RBP7: variants seen among roughly 807,000 people sequenced by gnomAD.
The protein encoded by RBP7 is retinoid-binding protein 7.
Under a neutral mutation model 16.7 loss-of-function variants are expected in RBP7, and 13 were observed. The ratio of observed to expected loss-of-function variants is 0.78; its 90% confidence interval spans 0.51 to 1.24. The LOEUF is 1.24. Ranked by LOEUF, RBP7 falls within the 50% of genes most tolerant of loss-of-function variation. RBP7 has a pLI of 0.00. For missense variants in RBP7, 145 were observed against 159.5 expected (o/e 0.91, Z 0.49); for synonymous variants, 54 against 56.2 (o/e 0.96, Z 0.17).
At chr1:10,009,324 T>C (rs917139746) in intron 3 of RBP7, among the ~76,000 whole-genome samples, 107 of 152,022 alleles carry the variant, frequency 7.0e-4, no homozygotes, top group African/African-American at 2.5e-3. Context: ...GCAGGAGAAT[T>C]GCTAGAACCA....
chr1:10,007,620 G>A lies in RBP7; in HGVS notation c.124G>A (p.Val42Met). 1 of 1,613,960 alleles carries A rather than the reference G, an allele frequency of 6.2e-7. No individual in the cohort carries two copies. Among genetic ancestry groups the A allele is most frequent in the Non-Finnish European group, 8.5e-7 (1 of 1,179,942 alleles). The change falls in exon 2 of 4, where the codon GTG becomes ATG. Residue 42 changes from valine to methionine, a missense_variant. Coordinates refer to ENST00000294435, the MANE Select transcript of RBP7 (RefSeq NM_052960.3). Reference protein sequence around the residue: ...KIAKLLKPQKVIEQNGDSFTI... With the variant: ...KIAKLLKPQKMIEQNGDSFTI... ...AGCCAAGTTGCTGAAGCCACAGAAAGTGATTGAGCAGAATGGGGATTCTTT... is the reference window on the plus strand; with the variant it reads ...AGCCAAGTTGCTGAAGCCACAGAAAATGATTGAGCAGAATGGGGATTCTTT...
intron 3 of RBP7, among the ~76,000 whole-genome samples, chr1:10,013,678 C>T (rs199622581): frequency 5.3e-5 from 8 of 151,838 alleles, no homozygotes; most frequent in South Asian, 2.1e-4. Flanking sequence ...GGTGTGGTGG[C>T]GGGCACCTGT....
In RBP7 at chr1:9,997,968, G is replaced by A. The variant is rs927991888; in HGVS notation, c.73+637G>A. 1.3e-5 allele frequency among the ~76,000 whole-genome samples: 2 copies of A among 152,040 alleles called. No homozygotes were observed. Among genetic ancestry groups the A allele is most frequent in the Admixed American group, 6.5e-5 (1 of 15,278 alleles). ...GCGTGCCCCGACCGCCGCCTCCCACGAGGGCTGGGTGCCCGCGGCGTTCTT... is the reference window on the plus strand; with the variant it reads ...GCGTGCCCCGACCGCCGCCTCCCACAAGGGCTGGGTGCCCGCGGCGTTCTT... On this transcript the variant is annotated intron_variant, in intron 1 of 3. Coordinates refer to ENST00000294435, the MANE Select transcript of RBP7 (RefSeq NM_052960.3). This position sits in a 1 kb window ranked among gnomAD's most constrained non-coding sequence, Gnocchi z 5.9.
chr1:9,998,536 G>A (rs1022262001), intron 1 of RBP7, among the ~76,000 whole-genome samples: 1 of 150,986 alleles, frequency 6.6e-6, no homozygotes, highest in Non-Finnish European at 1.5e-5. Context: ...GCCTCTCCGA[G>A]TAGCTGGGAC....
chr1:10,009,445 A>T (rs890649850), intron 3 of RBP7, among the ~76,000 whole-genome samples: 1 of 152,124 alleles, frequency 6.6e-6, no homozygotes, highest in Non-Finnish European at 1.5e-5. Context: ...AGGCATGAAG[A>T]TGAGAATGGC....
chr1:10,002,952 G>C (rs572273712), intron 1 of RBP7, among the ~76,000 whole-genome samples: 1 of 152,082 alleles, frequency 6.6e-6, no homozygotes, highest in South Asian at 2.1e-4. Flanking sequence ...TTGGGACAGC[G>C]GACCAAACTG....
rs375450283 is a variant in RBP7, at chr1:10,008,443, A to ATT, written c.354+184_354+185dup. ...AACATGGTGAAACCCCATCTCTACT[A>ATT]TTTTTTTTTTTTTTTTGAGATGGAG... On this transcript the variant is annotated intron_variant, in intron 3 of 3. Transcript: ENST00000294435. Among the ~76,000 whole-genome samples, 986 of 134,372 alleles carry ATT rather than the reference A, an allele frequency of 7.3e-3. 20 individuals are homozygous for ATT. The highest frequency in any genetic ancestry group is 0.025 in the African/African-American group (880 of 35,744). 88.2% of individuals were successfully genotyped at this position (134,372 alleles called of 152,430 possible). A position where few individuals can be genotyped will look rare whatever the true frequency, so the allele number is the denominator to read the frequency against.
At chr1:10,009,624 T>A (rs1642560142) in intron 3 of RBP7, among the ~76,000 whole-genome samples, 1 of 151,180 alleles carries the variant, frequency 6.6e-6, no homozygotes, top group Non-Finnish European at 1.5e-5. Flanking sequence ...CTCTGCCTCC[T>A]GGGTTCAAGC....
intron 1 of RBP7, among the ~76,000 whole-genome samples, chr1:10,002,829 A>G (rs956088967): frequency 1.3e-5 from 2 of 152,050 alleles, no homozygotes; most frequent in African/African-American, 4.8e-5. Flanking sequence ...TTCAAAGTAA[A>G]TTTTGGTATT....
At chr1:10,001,239 C>T (rs1456431826) in intron 1 of RBP7, among the ~76,000 whole-genome samples, 1 of 152,184 alleles carries the variant, frequency 6.6e-6, no homozygotes, top group Non-Finnish European at 1.5e-5. Flanking sequence ...GCTCTGGCAT[C>T]ACTCTCTCCC....
chr1:10,006,764 T>TATAGAGAG (rs1325127839), intron 1 of RBP7, among the ~76,000 whole-genome samples: 11 of 141,474 alleles, frequency 7.8e-5, no homozygotes, highest in African/African-American at 3.0e-4. Context: ...TATATATATA[T>TATAGAGAG]AGAGAGAGAG....
At position 9,997,702 on chromosome 1, in the gene RBP7, G is replaced by A. The variant is rs889464402; in HGVS notation, c.73+371G>A. On this transcript the variant is annotated intron_variant, in intron 1 of 3. Transcript: ENST00000294435. The surrounding 1 kb of genome is among the most constrained non-coding windows in gnomAD (Gnocchi z 5.9). ...CACACCTGCGGAGACTGCAGACTCG[G>A]GGTCCGGCCGGGGAGGGGGGTCCGG... 1.3e-5 allele frequency among the ~76,000 whole-genome samples: 2 copies of A among 151,888 alleles called. No individual in the cohort carries two copies. Among genetic ancestry groups the A allele is most frequent in the South Asian group, 2.1e-4 (1 of 4,814 alleles).
chr1:10,014,362 T>C (rs1261552943), intron 3 of RBP7, among the ~76,000 whole-genome samples: 1 of 151,850 alleles, frequency 6.6e-6, no homozygotes, highest in African/African-American at 2.4e-5. Flanking sequence ...ATCAGGCTGT[T>C]TCTTTTCTTT....
rs1380962611 is a variant in RBP7, at chr1:10,005,508, A to G, written c.74-2062A>G. Among the ~76,000 whole-genome samples the G allele has an allele frequency of 2.0e-5, 3 of 150,364 alleles. No homozygotes were observed. The East Asian group carries it at 5.9e-4, about 30-fold the overall frequency. Reference sequence around the variant, plus strand: ...TGAGCCACTGTGCCTGGCTACAAAAATTTTTTCTTAGGATGAGGACATTTA... The same window carrying G: ...TGAGCCACTGTGCCTGGCTACAAAAGTTTTTTCTTAGGATGAGGACATTTA... On this transcript the variant is annotated intron_variant, in intron 1 of 3. Coordinates refer to ENST00000294435, the MANE Select transcript of RBP7 (RefSeq NM_052960.3).
At chr1:10,014,668 T>C (rs1419426771) in intron 3 of RBP7, among the ~76,000 whole-genome samples, 1 of 152,134 alleles carries the variant, frequency 6.6e-6, no homozygotes, top group Non-Finnish European at 1.5e-5. Flanking sequence ...ATTACAGGCA[T>C]GTGCGCCCGG....
In RBP7 at chr1:10,007,108, G is replaced by T. The variant is rs550594565; in HGVS notation, c.74-462G>T. ...ATTACAGGTATGTGCCACCATGCCCGGCTAATTTTGTATTTTTAGTAGAGA... is the reference window on the plus strand; with the variant it reads ...ATTACAGGTATGTGCCACCATGCCCTGCTAATTTTGTATTTTTAGTAGAGA... On this transcript the variant is annotated intron_variant, in intron 1 of 3. Transcript: ENST00000294435. 4.6e-5 allele frequency: 15 copies of T among 327,256 alleles called. No individual in the cohort carries two copies. In the Middle Eastern group the frequency reaches 3.3e-3, roughly 73 times the overall value. The allele number at this position is 327,256 out of a possible 1,614,324, so 20.3% of individuals were successfully genotyped here. A position where few individuals can be genotyped will look rare whatever the true frequency, so the allele number is the denominator to read the frequency against.
chr1:10,005,892 T>G (rs1642429443), intron 1 of RBP7, among the ~76,000 whole-genome samples: 1 of 152,008 alleles, frequency 6.6e-6, no homozygotes, highest in Non-Finnish European at 1.5e-5. Context: ...ACTCCTCTCC[T>G]TCCTCCTCCC....
chr1:9,998,407 CTTTTTTTTT>C (rs772810621), intron 1 of RBP7, among the ~76,000 whole-genome samples: 8 of 121,574 alleles, frequency 6.6e-5, no homozygotes, highest in African/African-American at 2.7e-4. Context: ...TTCTTTCTTT[CTTTTTTTTT>C]TTTTTTTTTG....
intron 1 of RBP7, among the ~76,000 whole-genome samples, chr1:10,000,470 G>A (rs1176017042): frequency 6.6e-6 from 1 of 151,818 alleles, no homozygotes; most frequent in African/African-American, 2.4e-5. Context: ...AGAGGTGGAG[G>A]TTGCAGTGAG....
Sources: gnomAD v4.1 joint callset for allele counts (sites outside exome capture counted in the v4.1 genomes callset) on GRCh38, gnomAD v4.1.1 for gene constraint, Gnocchi (gnomAD v3.1) non-coding constraint, MANE v1.5 for transcripts, NCBI Gene and HGNC (gene_info 2026-07-23, HGNC 2026-07-21) for gene names.